Variants in DOK5 observed in about 807,000 individuals in gnomAD.
DOK5 encodes downstream of tyrosine kinase 5.
In DOK5, 27 loss-of-function variants were observed where a neutral mutation model predicts 43.3. The observed-to-expected ratio is 0.62, with a 90% CI of 0.46 to 0.86. The LOEUF is 0.86. Among genes scored for constraint, DOK5 ranks in the 40% least tolerant of loss-of-function variants. DOK5 has a pLI of 0.00. For synonymous variants in DOK5, 146 were observed against 140.1 expected, an observed-to-expected ratio of 1.04 and a Z score of -0.30; for missense variants, 373 against 392.9, an observed-to-expected ratio of 0.95 and a Z score of 0.43.
At chr20:54,615,368 G>A (rs940448419) in intron 6 of DOK5, among the ~76,000 whole-genome samples, 2 of 152,204 alleles carry the variant, frequency 1.3e-5, no homozygotes, top group African/African-American at 4.8e-5. Flanking sequence ...CTTTGCAGGT[G>A]TGATCGAGTT....
chr20:54,493,774 C>A (rs752129316), intron 1 of DOK5, among the ~76,000 whole-genome samples: 2 of 151,796 alleles, frequency 1.3e-5, no homozygotes, highest in East Asian at 3.9e-4. Context: ...CTCGTCTCTA[C>A]AAAAATTAAA....
intron 6 of DOK5, among the ~76,000 whole-genome samples, chr20:54,641,692 T>G (rs1009106718): frequency 6.6e-6 from 1 of 152,118 alleles, no homozygotes; most frequent in Non-Finnish European, 1.5e-5. Context: ...TTTCGACAAT[T>G]TTCATATGAG....
chr20:54,504,450 AGG>A (rs1048206184), intron 1 of DOK5, among the ~76,000 whole-genome samples: 1 of 152,142 alleles, frequency 6.6e-6, no homozygotes, highest in African/African-American at 2.4e-5. Flanking sequence ...TGGAAGTTTT[AGG>A]GGGGGTTTAA....
intron 5 of DOK5, among the ~76,000 whole-genome samples, chr20:54,594,677 T>C (rs1348946709): frequency 6.6e-6 from 1 of 152,172 alleles, no homozygotes; most frequent in Non-Finnish European, 1.5e-5. Context: ...TATTTTAAAA[T>C]CTTTTTTTAT....
chr20:54,637,481 A>G (rs1177388241), intron 6 of DOK5, among the ~76,000 whole-genome samples: 36 of 152,254 alleles, frequency 2.4e-4, no homozygotes, highest in Admixed American at 2.4e-3. Context: ...GCTGTTGGAT[A>G]GTCCTAAATG....
At chr20:54,642,564 A>AAAG (rs1979175611) in intron 6 of DOK5, among the ~76,000 whole-genome samples, 1 of 149,700 alleles carries the variant, frequency 6.7e-6, no homozygotes. Context: ...AAAAAAAAAA[A>AAAG]AAAAGAAAAA....
chr20:54,623,269 C>T (rs1205370338), intron 6 of DOK5, among the ~76,000 whole-genome samples: 2 of 152,056 alleles, frequency 1.3e-5, no homozygotes, highest in Non-Finnish European at 2.9e-5. Flanking sequence ...CCCCTGCCCT[C>T]GACAAAGAAT....
At chr20:54,646,441 G>A (rs1979434368) in intron 7 of DOK5, among the ~76,000 whole-genome samples, 1 of 151,700 alleles carries the variant, frequency 6.6e-6, no homozygotes, top group Admixed American at 6.6e-5. Flanking sequence ...TTAGTAGAGA[G>A]GGTGTCTTAC....
At chr20:54,621,573 C>T (rs1986977350) in intron 6 of DOK5, among the ~76,000 whole-genome samples, 1 of 152,086 alleles carries the variant, frequency 6.6e-6, no homozygotes, top group Non-Finnish European at 1.5e-5. Flanking sequence ...CCTGTAATCC[C>T]AGCTACTTGG....
intron 2 of DOK5, among the ~76,000 whole-genome samples, chr20:54,561,582 C>T (rs573471679): frequency 2.0e-5 from 3 of 152,290 alleles, no homozygotes; most frequent in Admixed American, 1.3e-4. Flanking sequence ...CTGTAGAACC[C>T]CAGGGCAACC....
At chr20:54,533,522 A>G (rs1405385710) in intron 1 of DOK5, among the ~76,000 whole-genome samples, 1 of 152,242 alleles carries the variant, frequency 6.6e-6, no homozygotes, top group East Asian at 1.9e-4. Flanking sequence ...TCCAATTAAC[A>G]AAAGAATGCA....
chr20:54,600,592 A>T (rs1244160030), intron 5 of DOK5, among the ~76,000 whole-genome samples: 1 of 152,174 alleles, frequency 6.6e-6, no homozygotes, highest in Non-Finnish European at 1.5e-5. Flanking sequence ...GAATCCAGGC[A>T]TGCTGCTTTC....
At chr20:54,556,790 T>C (rs890497271) in intron 2 of DOK5, among the ~76,000 whole-genome samples, 4 of 152,234 alleles carry the variant, frequency 2.6e-5, no homozygotes, top group African/African-American at 9.6e-5. Flanking sequence ...CTGTACTGTC[T>C]GGTCATTGTG....
At chr20:54,564,144 C>T (rs1055375119) in intron 2 of DOK5, among the ~76,000 whole-genome samples, 4 of 152,132 alleles carry the variant, frequency 2.6e-5, no homozygotes, top group African/African-American at 9.7e-5. Flanking sequence ...ACTTCTATGG[C>T]TGGGCACGGT....
At chr20:54,595,408 A>T (rs938003094) in intron 5 of DOK5, among the ~76,000 whole-genome samples, 2 of 152,176 alleles carry the variant, frequency 1.3e-5, no homozygotes, top group Non-Finnish European at 2.9e-5. Flanking sequence ...ATAGGTATGG[A>T]TGTGGGAGAT....
chr20:54,530,256 T>C (rs900277211), intron 1 of DOK5, among the ~76,000 whole-genome samples: 1 of 152,222 alleles, frequency 6.6e-6, no homozygotes, highest in African/African-American at 2.4e-5. Context: ...TGTAAGCCTA[T>C]TCTGGCTTGA....
intron 6 of DOK5, among the ~76,000 whole-genome samples, chr20:54,623,209 T>C (rs912931683): frequency 3.3e-5 from 5 of 152,110 alleles, no homozygotes; most frequent in Non-Finnish European, 7.4e-5. Flanking sequence ...TGGCATCTGG[T>C]GGATAGAGGC....
intron 6 of DOK5, among the ~76,000 whole-genome samples, chr20:54,615,906 A>AT (rs2146799530): frequency 6.6e-6 from 1 of 151,632 alleles, no homozygotes; most frequent in African/African-American, 2.4e-5. Flanking sequence ...TCTCAAAAAA[A>AT]AAAAGGCATA....
At chr20:54,587,650 C>A (rs1985849115) in intron 2 of DOK5, among the ~76,000 whole-genome samples, 1 of 151,988 alleles carries the variant, frequency 6.6e-6, no homozygotes, top group Non-Finnish European at 1.5e-5. Context: ...TGAGAGATGA[C>A]CACTGTGGAA....
Sources: gnomAD v4.1 joint callset for allele counts (sites outside exome capture counted in the v4.1 genomes callset) on GRCh38, gnomAD v4.1.1 for gene constraint, MANE v1.5 for transcripts, NCBI Gene and HGNC (gene_info 2026-07-23, HGNC 2026-07-21) for gene names.